DCC: variants seen among roughly 807,000 people sequenced by gnomAD.
DCC encodes the protein DCC netrin 1 receptor, also known as netrin receptor DCC.
A neutral mutation model predicts 172.5 loss-of-function variants in DCC; 58 were observed. The ratio of observed to expected loss-of-function variants is 0.34; its 90% CI spans 0.27 to 0.42. The LOEUF (loss-of-function observed/expected upper bound fraction) is 0.42, where lower values mean the gene tolerates loss of function less well. DCC is among the 10% of genes least tolerant of loss of function. The pLI, the probability that DCC is intolerant of heterozygous loss-of-function variation, is 1.00. For missense variants in DCC, 1,740 were observed against 1,791.0 expected (o/e 0.97, Z 0.51); for synonymous variants, 709 against 644.5 (o/e 1.10, Z -1.52).
At chr18:52,528,484 T>C (rs2032048784) in intron 1 of DCC, among the ~76,000 whole-genome samples, 1 of 152,118 alleles carries the variant, frequency 6.6e-6, no homozygotes, top group East Asian at 1.9e-4. Flanking sequence ...CTACTAGGTT[T>C]CCAAGAAGAG....
At chr18:53,009,923 A>G (rs1186456943) in intron 5 of DCC, among the ~76,000 whole-genome samples, 2 of 151,918 alleles carry the variant, frequency 1.3e-5, no homozygotes, top group African/African-American at 4.8e-5. Flanking sequence ...GAATACCCAG[A>G]GTGATTTCTC....
chr18:52,505,095 G>A (rs2031180327), intron 1 of DCC, among the ~76,000 whole-genome samples: 1 of 152,138 alleles, frequency 6.6e-6, no homozygotes, highest in Admixed American at 6.6e-5. Context: ...TTAGAAGGGA[G>A]GGGAAAGATC....
intron 1 of DCC, among the ~76,000 whole-genome samples, chr18:52,475,312 A>G (rs562182000): frequency 1.3e-5 from 2 of 152,324 alleles, no homozygotes; most frequent in East Asian, 1.9e-4. Flanking sequence ...GAAAATAACT[A>G]CTTGTAAGAA....
chr18:52,475,174 G>C (rs10502945), intron 1 of DCC, among the ~76,000 whole-genome samples: 6,821 of 152,172 alleles, frequency 0.045, 199 homozygotes, highest in South Asian at 0.12. Context: ...TTCATGTCTA[G>C]AGATAGATAA....
chr18:53,157,368 C>T lies in DCC; in HGVS notation c.1274C>T (p.Ser425Phe), dbSNP rs369760834. Residue 425 changes from serine (S) to phenylalanine (F), a missense_variant, in exon 8 of 29, where the codon TCC (serine) becomes TTC (phenylalanine). By Grantham distance (155) the Ser-to-Phe change is radical. Around this residue, in one of 2 missense-constraint regions of DCC, gnomAD observed 1,732 missense variants for 1,767.4 expected, o/e 0.98. Coordinates refer to ENST00000442544, the MANE Select transcript of DCC (RefSeq NM_005215.4). ...LIVPKPAIPS[S>F]SVLPSAPRDV... is the part of the protein sequence containing the mutation. ...TCTTTCTCCTTAGCTATCCCAAGCT[C>T]CAGTGTCCTCCCTTCGGCTCCCAGA... 6.2e-7 allele frequency: 1 copy of T among 1,613,964 alleles called. No homozygotes were observed.
chr18:52,932,396 G>A (rs1228503987), intron 5 of DCC, among the ~76,000 whole-genome samples: 2 of 152,100 alleles, frequency 1.3e-5, no homozygotes, highest in Admixed American at 6.6e-5. Context: ...AATCAGTGCA[G>A]AAATGCATAA....
At chr18:52,957,707 A>G (rs1410640064) in intron 5 of DCC, among the ~76,000 whole-genome samples, 2 of 152,112 alleles carry the variant, frequency 1.3e-5, no homozygotes, top group African/African-American at 4.8e-5. Context: ...CCAGGGCAAG[A>G]TCTGTGGGAA....
chr18:53,428,444 T>TTA (rs1206659942), intron 21 of DCC, among the ~76,000 whole-genome samples: 2 of 32,998 alleles, frequency 6.1e-5, no homozygotes, highest in African/African-American at 1.8e-4. Flanking sequence ...ATATAATATA[T>TTA]TATATTATTT....
chr18:52,351,904 TACTGTACC>T (rs1417699860), intron 1 of DCC, among the ~76,000 whole-genome samples: 1 of 152,222 alleles, frequency 6.6e-6, no homozygotes. Flanking sequence ...GACCTGGAAC[TACTGTACC>T]ACTTGAATCA....
chr18:53,114,455 A>C (rs2043381452), intron 7 of DCC, among the ~76,000 whole-genome samples: 1 of 151,640 alleles, frequency 6.6e-6, no homozygotes, highest in Non-Finnish European at 1.5e-5. Context: ...CTCAGTATAA[A>C]GCAAACTCAA....
intron 3 of DCC, among the ~76,000 whole-genome samples, chr18:52,921,198 ATTGG>A (rs918089516): frequency 5.3e-5 from 8 of 152,204 alleles, no homozygotes; most frequent in African/African-American, 1.9e-4. Context: ...ATGTATCAAT[ATTGG>A]TTCATGAATT....
At chr18:52,639,254 A>G (rs2034844608) in intron 1 of DCC, among the ~76,000 whole-genome samples, 1 of 152,136 alleles carries the variant, frequency 6.6e-6, no homozygotes, top group African/African-American at 2.4e-5. Context: ...TCAAGGAGCT[A>G]GAAGAACAAG....
intron 1 of DCC, among the ~76,000 whole-genome samples, chr18:52,641,011 A>T (rs531286351): frequency 7.5e-4 from 114 of 152,320 alleles, no homozygotes; most frequent in Non-Finnish European, 1.4e-3. Flanking sequence ...CTGGCATAAA[A>T]ATAGGCACAT....
At chr18:53,260,472 A>G (rs955623289) in intron 12 of DCC, among the ~76,000 whole-genome samples, 2 of 152,156 alleles carry the variant, frequency 1.3e-5, no homozygotes, top group Non-Finnish European at 2.9e-5. Context: ...GGTCCACTCC[A>G]GACACTTTTT....
chr18:52,923,904 A>G (rs757342323), intron 4 of DCC, 47 bp downstream of exon 4: 11 of 1,331,300 alleles, frequency 8.3e-6, no homozygotes, highest in Non-Finnish European at 1.2e-5. Context: ...TTTGTATGGT[A>G]TATGCTGCTA....
intron 8 of DCC, among the ~76,000 whole-genome samples, chr18:53,174,858 G>A (rs933375282): frequency 2.0e-5 from 3 of 151,990 alleles, no homozygotes; most frequent in Admixed American, 1.3e-4. Context: ...CCAAAGCCAG[G>A]CAGAGACACA....
In DCC at chr18:52,669,541, T is replaced by A. The variant is rs537562249; in HGVS notation, c.92-82513T>A. ...CCAAGATGGAATTGGTTAGATTAGA[T>A]CTCTTTCACTGTATAAGTCATAATT... is the stretch of plus-strand genomic sequence containing the variant. On this transcript the variant is annotated intron_variant, in intron 1 of 28. Coordinates refer to ENST00000442544, the MANE Select transcript of DCC (RefSeq NM_005215.4). 5.9e-5 allele frequency among the ~76,000 whole-genome samples: 9 copies of A among 152,322 alleles called. 1 individual carries two copies. The highest frequency in any genetic ancestry group is 5.2e-4 in the Admixed American group (8 of 15,298).
intron 12 of DCC, among the ~76,000 whole-genome samples, chr18:53,280,871 A>T (rs963511423): frequency 6.6e-5 from 10 of 152,222 alleles, no homozygotes; most frequent in Middle Eastern, 3.4e-3. Context: ...TAGGTAAAAA[A>T]AGTTGATTAT....
At chr18:53,260,994 C>T (rs2056591100) in intron 12 of DCC, among the ~76,000 whole-genome samples, 1 of 152,154 alleles carries the variant, frequency 6.6e-6, no homozygotes, top group Non-Finnish European at 1.5e-5. Context: ...GCCTTGGACC[C>T]TCCACGCCAG....
Sources: allele counts gnomAD v4.1 joint callset (sites outside exome capture counted in the v4.1 genomes callset), GRCh38; gene constraint gnomAD v4.1.1; regional missense constraint gnomAD v4.1.1; transcripts MANE v1.5; gene names NCBI Gene and HGNC (gene_info 2026-07-23, HGNC 2026-07-21).